The following NELL2 variants were observed in gnomAD, a reference collection of about 807,000 sequenced individuals.
NELL2 encodes neural EGFL like 2, also known as protein kinase C-binding protein NELL2.
Under a neutral mutation model 109.6 loss-of-function variants are expected in NELL2, and 41 were observed. That is an observed-to-expected ratio of 0.37 (90% CI 0.29 to 0.49). The LOEUF (loss-of-function observed/expected upper bound fraction) is 0.49. Among genes scored for constraint, NELL2 ranks in the 20% least tolerant of loss-of-function variants. NELL2 has a pLI of 0.98. For missense variants in NELL2, 900 were observed against 1,008.3 expected (o/e 0.89, Z 1.45); for synonymous variants, 355 against 344.7 (o/e 1.03, Z -0.33).
chr12:44,597,618 C>G (rs187211460), intron 15 of NELL2, among the ~76,000 whole-genome samples: 139 of 152,292 alleles, frequency 9.1e-4, no homozygotes, highest in Admixed American at 1.9e-3. Flanking sequence ...GTTGGTTTTT[C>G]TAACCTAAAT....
At chr12:44,796,590 C>A (rs960123438) in intron 3 of NELL2, among the ~76,000 whole-genome samples, 3 of 151,976 alleles carry the variant, frequency 2.0e-5, no homozygotes, top group African/African-American at 7.2e-5. Flanking sequence ...AGCTTAAAGA[C>A]CCTCAGTAAT....
intron 15 of NELL2, among the ~76,000 whole-genome samples, chr12:44,571,225 G>C: frequency 6.6e-6 from 1 of 152,060 alleles, no homozygotes; most frequent in Non-Finnish European, 1.5e-5. Context: ...TAGTAAATGG[G>C]GCAATCGTTA....
At chr12:44,850,302 C>A (rs1944495893) in intron 2 of NELL2, among the ~76,000 whole-genome samples, 1 of 151,460 alleles carries the variant, frequency 6.6e-6, no homozygotes, top group African/African-American at 2.4e-5. Context: ...TAAAAAATTC[C>A]AGCAATACAA....
chr12:44,824,359 T>C (rs1040461235), intron 2 of NELL2, among the ~76,000 whole-genome samples: 3 of 152,136 alleles, frequency 2.0e-5, no homozygotes, highest in African/African-American at 7.2e-5. Flanking sequence ...TGTCAAGAAG[T>C]TTTCCCCTGT....
Position 44,530,064 on chromosome 12 carries a change from T to C in NELL2, c.1804+2517A>G, listed in dbSNP as rs573071852. Reference sequence around the variant, plus strand: ...ATATTATATGGGCAGAATCCTTAAATAGGTGAGAGAGGATGAGATGCAAGA... The same window carrying C: ...ATATTATATGGGCAGAATCCTTAAACAGGTGAGAGAGGATGAGATGCAAGA... On this transcript the variant is annotated intron_variant, in intron 16 of 19. Coordinates refer to ENST00000429094, the MANE Select transcript of NELL2 (RefSeq NM_001145108.2). Among the ~76,000 whole-genome samples, 14 of 152,236 alleles carry C rather than the reference T, an allele frequency of 9.2e-5. No individual in the cohort carries two copies. In the East Asian group the frequency reaches 2.5e-3, roughly 27 times the overall value.
rs1427855594 is a variant in NELL2 at position 44,522,080 on chromosome 12, G to C, written c.2095C>G (p.Gln699Glu). 6.2e-7 allele frequency: 1 copy of C among 1,614,096 alleles called. No homozygotes were observed. The highest frequency in any genetic ancestry group is 1.7e-5 in the Admixed American group (1 of 60,024). The change falls in exon 18 of 20, where the codon CAG (glutamine) becomes GAG (glutamate). Residue 699 changes from glutamine to glutamate, a missense_variant. Coordinates refer to ENST00000429094, the MANE Select transcript of NELL2 (RefSeq NM_001145108.2). ...CPECDPRLSSQCLHQNGETLY... is the reference protein window; with the variant it reads ...CPECDPRLSSECLHQNGETLY... ...GTTTCCCCATTTTGATGGAGGCACT[G>C]ACTACTAAGCCTTGGGTCACATTCA...
chr12:44,563,444 G>T (rs61930801), intron 15 of NELL2, among the ~76,000 whole-genome samples: 1 of 151,930 alleles, frequency 6.6e-6, no homozygotes, highest in Non-Finnish European at 1.5e-5. Context: ...TGCTTTAAAA[G>T]TGATATATTA....
intron 3 of NELL2, among the ~76,000 whole-genome samples, chr12:44,798,861 G>A (rs561833829): frequency 1.4e-5 from 2 of 147,518 alleles, no homozygotes; most frequent in African/African-American, 5.0e-5. Context: ...TTAATGCATA[G>A]AGAAAAAAAC....
intron 2 of NELL2, among the ~76,000 whole-genome samples, chr12:44,857,828 C>G (rs963862569): frequency 6.6e-6 from 1 of 152,124 alleles, no homozygotes; most frequent in Non-Finnish European, 1.5e-5. Context: ...ATCCTCATCC[C>G]TTTCTACCCA....
At chr12:44,549,924 C>G (rs542902562) in intron 15 of NELL2, among the ~76,000 whole-genome samples, 12 of 151,948 alleles carry the variant, frequency 7.9e-5, no homozygotes, top group Non-Finnish European at 1.8e-4. Flanking sequence ...ACAAAAGACC[C>G]GGGATAGCCA....
chr12:44,546,436 T>A (rs1311526262), intron 15 of NELL2, among the ~76,000 whole-genome samples: 1 of 152,122 alleles, frequency 6.6e-6, no homozygotes, highest in Non-Finnish European at 1.5e-5. Context: ...TGATACAAGT[T>A]TTTTAGCCAG....
chr12:44,526,141 A>G (rs1941762851), intron 16 of NELL2, among the ~76,000 whole-genome samples: 1 of 152,146 alleles, frequency 6.6e-6, no homozygotes. Flanking sequence ...ATTTTAGAGA[A>G]ATGCAAAAAA....
rs1944346307 is a variant in NELL2, at chr12:44,582,162, G to A, written c.1663+25007C>T. ...ACAGAGAAAGCAGTTAAAACTTGAT[G>A]AGACAGAAATGGGCATGAAGTAGTT... On this transcript the variant is annotated intron_variant, in intron 15 of 19. Coordinates refer to ENST00000429094, the MANE Select transcript of NELL2 (RefSeq NM_001145108.2). Among the ~76,000 whole-genome samples the A allele has an allele frequency of 2.0e-5, 3 of 152,294 alleles. No homozygotes were observed. The South Asian group carries it at 6.2e-4, about 32-fold the overall frequency.
chr12:44,806,098 A>T (rs1416354607), intron 3 of NELL2, among the ~76,000 whole-genome samples: 5 of 141,566 alleles, frequency 3.5e-5, no homozygotes, highest in Non-Finnish European at 8.0e-5. Flanking sequence ...CACATCATTT[A>T]AGAAAATTTA....
intron 12 of NELL2, among the ~76,000 whole-genome samples, chr12:44,678,092 G>A (rs1226856449): frequency 2.0e-5 from 3 of 152,022 alleles, no homozygotes; most frequent in Non-Finnish European, 4.4e-5. Context: ...AATTAAAATG[G>A]ATACCTGGGG....
chr12:44,703,725 C>G lies in NELL2; in HGVS notation c.1318+1G>C. On this transcript the variant is annotated splice_donor_variant, in intron 12 of 19. Transcript: ENST00000429094. LOFTEE classifies it high-confidence loss of function. ...GAGCTACACATCATTACAAGGATTA[C>G]CTTCACAGTAGGCATTATCCTCTCG... 6.2e-7 allele frequency: 1 copy of G among 1,613,174 alleles called. No homozygotes were observed. Among genetic ancestry groups the G allele is most frequent in the Non-Finnish European group, 8.5e-7 (1 of 1,179,446 alleles).
intron 13 of NELL2, among the ~76,000 whole-genome samples, chr12:44,622,174 G>A (rs1946084118): frequency 6.6e-6 from 1 of 152,086 alleles, no homozygotes; most frequent in South Asian, 2.1e-4. Context: ...TACATCTAGA[G>A]TTCATTGCAC....
At chr12:44,824,514 C>T (rs550250917) in intron 2 of NELL2, among the ~76,000 whole-genome samples, 93 of 151,880 alleles carry the variant, frequency 6.1e-4, no homozygotes, top group Non-Finnish European at 9.6e-4. Flanking sequence ...CTGTCCTTTC[C>T]CCCTCGTATG....
At chr12:44,646,374 G>A (rs948667189) in intron 13 of NELL2, among the ~76,000 whole-genome samples, 2 of 152,160 alleles carry the variant, frequency 1.3e-5, no homozygotes, top group Non-Finnish European at 2.9e-5. Flanking sequence ...AATAGTCTCT[G>A]CTTATTGATG....
Sources: gnomAD v4.1 joint callset for allele counts (sites outside exome capture counted in the v4.1 genomes callset) on GRCh38, gnomAD v4.1.1 for gene constraint, MANE v1.5 for transcripts, NCBI Gene and HGNC (gene_info 2026-07-23, HGNC 2026-07-21) for gene names.